Variants in YIPF7 observed in about 807,000 individuals in gnomAD.
YIPF7 encodes the protein protein YIPF7.
A neutral mutation model predicts 27.2 loss-of-function variants in YIPF7; 35 were observed. That is an observed-to-expected ratio of 1.29 (90% CI 0.98 to 1.70). YIPF7 has a LOEUF of 1.70. Among genes scored for constraint, YIPF7 ranks in the 40% most tolerant of loss-of-function variants. The pLI, the probability that YIPF7 is intolerant of heterozygous loss-of-function variation, is 0.00. For synonymous variants in YIPF7, 137 were observed against 110.4 expected (o/e 1.24, Z -1.51); for missense variants, 358 against 303.7 (o/e 1.18, Z -1.33).
In YIPF7 at chr4:44,624,706, A is replaced by G. The variant is rs747819263; in HGVS notation, c.503T>C (p.Leu168Pro). 6.2e-7 allele frequency: 1 copy of G among 1,610,724 alleles called. No individual in the cohort carries two copies. Among genetic ancestry groups the G allele is most frequent in the Non-Finnish European group, 8.5e-7 (1 of 1,178,508 alleles). ...GTACGACACCCCTGAAGAGCTCATC[A>G]GGTTCAGCAAGGCATGAATCACAAG... is the stretch of plus-strand genomic sequence containing the variant. ...GCLVIHALLN[L>P]MSSSGVSYGC... is the part of the protein sequence containing the mutation. Residue 168 changes from leucine to proline, a missense_variant, in exon 5 of 6, where the codon CTG (leucine) becomes CCG (proline). Transcript: ENST00000415895.
chr4:44,638,413 A>G (rs1713212849), intron 2 of YIPF7, among the ~76,000 whole-genome samples: 1 of 151,900 alleles, frequency 6.6e-6, no homozygotes, highest in African/African-American at 2.4e-5. Context: ...CATAAACACA[A>G]TTCTCAAAAG....
At chr4:44,652,315 C>G (rs762432526), upstream of YIPF7, among the ~76,000 whole-genome samples, 4 of 152,152 alleles carry the variant, frequency 2.6e-5, no homozygotes, top group Non-Finnish European at 5.9e-5. Flanking sequence ...CCCAGGTAAC[C>G]TAGCTAATAC....
intron 4 of YIPF7, among the ~76,000 whole-genome samples, 156 bp from the exon 5 acceptor site, chr4:44,624,938 T>A (rs950212910): frequency 6.6e-6 from 1 of 152,120 alleles, no homozygotes; most frequent in Non-Finnish European, 1.5e-5. Flanking sequence ...GGGAAAAACA[T>A]GGCCAATGGT....
At chr4:44,639,104 A>C (rs1271377931) in intron 2 of YIPF7, among the ~76,000 whole-genome samples, 2 of 152,174 alleles carry the variant, frequency 1.3e-5, no homozygotes, top group Non-Finnish European at 2.9e-5. Context: ...CTTGTAATAT[A>C]ATTTCAGGTC....
At chr4:44,636,359 A>G (rs1446706789) in intron 2 of YIPF7, among the ~76,000 whole-genome samples, 2 of 152,180 alleles carry the variant, frequency 1.3e-5, no homozygotes, top group Non-Finnish European at 2.9e-5. Context: ...TTAAAACTCT[A>G]TAAGGTAAAA....
intron 5 of YIPF7, among the ~76,000 whole-genome samples, 159 bp from the exon 6 acceptor site, chr4:44,622,735 A>C (rs188754675): frequency 6.6e-6 from 1 of 152,242 alleles, no homozygotes; most frequent in Non-Finnish European, 1.5e-5. Flanking sequence ...TTGGCCAGTT[A>C]GGCATTTTTT....
At chr4:44,643,121 A>C (rs1056552373) in intron 2 of YIPF7, among the ~76,000 whole-genome samples, 4 of 152,176 alleles carry the variant, frequency 2.6e-5, no homozygotes, top group African/African-American at 9.7e-5. Flanking sequence ...TTAAATTGTT[A>C]TGACCAAAAT....
intron 2 of YIPF7, among the ~76,000 whole-genome samples, chr4:44,644,217 G>A (rs1040854898): frequency 7.9e-5 from 12 of 152,316 alleles, no homozygotes; most frequent in Admixed American, 7.8e-4. Flanking sequence ...GAAGTCAAAT[G>A]AAATTATTTT....
intron 4 of YIPF7, among the ~76,000 whole-genome samples, chr4:44,627,327 C>A (rs1314652757): frequency 6.6e-6 from 1 of 152,088 alleles, no homozygotes; most frequent in Non-Finnish European, 1.5e-5. Context: ...CTGAAGAAAG[C>A]CTACTGAAAG....
chr4:44,660,343 G>A (rs1315016278), intron 2 of YIPF7: 1 of 151,990 alleles, frequency 6.6e-6, no homozygotes, highest in Non-Finnish European at 1.5e-5. Flanking sequence ...AAATGTGGAG[G>A]AAGCAACGTT....
At chr4:44,643,118 G>T (rs1181871553) in intron 2 of YIPF7, among the ~76,000 whole-genome samples, 1 of 152,154 alleles carries the variant, frequency 6.6e-6, no homozygotes, top group Non-Finnish European at 1.5e-5. Context: ...TTGTTAAATT[G>T]TTATGACCAA....
intron 2 of YIPF7, among the ~76,000 whole-genome samples, chr4:44,660,126 A>AC (rs1189476351): frequency 1.4e-5 from 2 of 146,258 alleles, no homozygotes; most frequent in Admixed American, 1.4e-4. Flanking sequence ...AAAAAAAAAA[A>AC]AAAAAAAAAA....
intron 3 of YIPF7, among the ~76,000 whole-genome samples, chr4:44,633,431 T>C (rs184001178): frequency 6.6e-6 from 1 of 150,730 alleles, no homozygotes; most frequent in African/African-American, 2.4e-5. Flanking sequence ...AAAAAATTAG[T>C]TAAGCAGCAC....
At chr4:44,622,725 T>C in intron 5 of YIPF7, 149 bp from the exon 6 acceptor site, 2 of 1,028,848 alleles carry the variant, frequency 1.9e-6, no homozygotes, top group Non-Finnish European at 2.8e-6. Flanking sequence ...ACAAAAGCCC[T>C]TGGCCAGTTA....
At chr4:44,659,784 AT>A (rs1251124711) in intron 2 of YIPF7, among the ~76,000 whole-genome samples, 17 of 152,126 alleles carry the variant, frequency 1.1e-4, no homozygotes, top group Non-Finnish European at 2.2e-4. Context: ...AGTTAAAATA[AT>A]TTATCCTAAA....
rs746359605 is a variant in YIPF7, at chr4:44,624,828, C to G, written c.427-46G>C. 7.8e-6 allele frequency: 12 copies of G among 1,534,974 alleles called. No homozygotes were observed. In the South Asian group the frequency reaches 1.3e-4, roughly 16 times the overall value. ...AACAGTTTGAACACACAATGGACAC[C>G]GAGAGGAAATCTGAATATCATGAAG... On this transcript the variant is annotated intron_variant, in intron 4 of 5. Transcript: ENST00000415895.
At chr4:44,626,882 TCTC>T (rs1386267113) in intron 4 of YIPF7, among the ~76,000 whole-genome samples, 1 of 149,200 alleles carries the variant, frequency 6.7e-6, no homozygotes, top group Admixed American at 6.7e-5. Context: ...TTCATTCCAT[TCTC>T]CTGCTTCAGC....
chr4:44,636,877 T>G (rs1362257988), intron 2 of YIPF7, among the ~76,000 whole-genome samples: 1 of 152,174 alleles, frequency 6.6e-6, no homozygotes, highest in African/African-American at 2.4e-5. Context: ...ATTATATGCA[T>G]TAACTAATTT....
chr4:44,629,912 C>G (rs968379331), intron 3 of YIPF7, among the ~76,000 whole-genome samples: 1 of 152,128 alleles, frequency 6.6e-6, no homozygotes, highest in African/African-American at 2.4e-5. Flanking sequence ...AAAATTGTAG[C>G]TAACAGATCA....
Sources: gnomAD v4.1 joint callset for allele counts (sites outside exome capture counted in the v4.1 genomes callset) on GRCh38, gnomAD v4.1.1 for gene constraint, MANE v1.5 for transcripts, NCBI Gene and HGNC (gene_info 2026-07-23, HGNC 2026-07-21) for gene names.